Variants in LARGE1 observed in about 807,000 individuals in gnomAD.
The protein encoded by LARGE1 is xylosyl- and glucuronyltransferase LARGE1.
In LARGE1, 43 loss-of-function variants were observed where a neutral mutation model predicts 87.6. The ratio of observed to expected loss-of-function variants is 0.49; its 90% CI spans 0.38 to 0.63. The LOEUF is 0.63. Ranked by LOEUF, LARGE1 falls within the 30% of genes least tolerant of loss-of-function variation. The probability of loss-of-function intolerance (pLI) is 0.00; values close to 1 mark genes in which losing one functional copy is unlikely to be tolerated. For missense variants in LARGE1, 802 were observed against 1,000.2 expected (o/e 0.80, Z 2.67); for synonymous variants, 434 against 394.6 (o/e 1.10, Z -1.18).
intron 1 of LARGE1, among the ~76,000 whole-genome samples, chr22:33,852,232 C>A (rs1387295115): frequency 6.6e-6 from 1 of 152,106 alleles, no homozygotes; most frequent in Non-Finnish European, 1.5e-5. Flanking sequence ...CTGATGTGAG[C>A]CAACGTTGAA....
intron 4 of LARGE1, among the ~76,000 whole-genome samples, chr22:33,613,373 C>G (rs767886292): frequency 2.0e-5 from 3 of 152,136 alleles, no homozygotes; most frequent in Non-Finnish European, 4.4e-5. Context: ...CTGTGTAAGC[C>G]GAAATAGTTC....
At chr22:33,721,289 G>A (rs1286259393) in intron 2 of LARGE1, among the ~76,000 whole-genome samples, 2 of 152,196 alleles carry the variant, frequency 1.3e-5, no homozygotes, top group Admixed American at 1.3e-4. Flanking sequence ...TTAAATCAGA[G>A]CAAAACACAC....
At chr22:33,841,152 CT>C (rs2063270933) in intron 1 of LARGE1, among the ~76,000 whole-genome samples, 1 of 152,168 alleles carries the variant, frequency 6.6e-6, no homozygotes, top group Admixed American at 6.5e-5. Context: ...AAATTTTGAA[CT>C]TGATATTTTC....
chr22:33,199,774 T>C (rs1374444428), intron 11 of LARGE1, among the ~76,000 whole-genome samples: 1 of 152,210 alleles, frequency 6.6e-6, no homozygotes, highest in African/African-American at 2.4e-5. Context: ...TGTAGTATAA[T>C]TTGAAGTCAG....
intron 1 of LARGE1, among the ~76,000 whole-genome samples, chr22:33,911,190 C>G (rs1052717784): frequency 4.6e-5 from 7 of 152,160 alleles, no homozygotes; most frequent in Admixed American, 3.3e-4. Context: ...AGCTGAGGAC[C>G]AGGGAGCCTA....
Position 33,273,461 on chromosome 22 carries a change from A to G in LARGE1, c.*966T>C, listed in dbSNP as rs1928538906. ...TCTTCGAAAGGCCTGAGAGGTTCGT[A>G]CCTTGTGTGTGCACTGAAGTAGTTC... On this transcript the variant is annotated 3_prime_UTR_variant, in exon 15 of 15. Transcript: ENST00000397394. 2.5e-6 allele frequency: 1 copy of G among 398,530 alleles called. No homozygotes were observed. 24.7% of individuals were successfully genotyped at this position (398,530 alleles called of 1,614,324 possible). A position where few individuals can be genotyped will look rare whatever the true frequency, so the allele number is the denominator to read the frequency against.
intron 11 of LARGE1, among the ~76,000 whole-genome samples, chr22:33,192,737 CT>C (rs1247033057): frequency 6.6e-6 from 1 of 152,136 alleles, no homozygotes; most frequent in African/African-American, 2.4e-5. Flanking sequence ...TTCAAAAAAT[CT>C]TTCCCCAGAT....
chr22:33,240,213 AG>A, intron 11 of LARGE1, among the ~76,000 whole-genome samples: 1 of 152,248 alleles, frequency 6.6e-6, no homozygotes, highest in African/African-American at 2.4e-5. Context: ...AAGATATAAT[AG>A]TATCCCTTGT....
intron 2 of LARGE1, among the ~76,000 whole-genome samples, chr22:33,658,104 C>T (rs989438101): frequency 3.3e-5 from 5 of 152,060 alleles, no homozygotes; most frequent in Non-Finnish European, 7.4e-5. Flanking sequence ...CAAGTCCAGC[C>T]TAATTTGTGG....
intron 6 of LARGE1, among the ~76,000 whole-genome samples, chr22:33,437,978 C>A (rs1438387288): frequency 6.6e-6 from 1 of 151,824 alleles, no homozygotes; most frequent in African/African-American, 2.4e-5. Context: ...CCTACCACAT[C>A]CCTTCCAGCA....
intron 1 of LARGE1, among the ~76,000 whole-genome samples, chr22:33,901,728 G>A (rs985458695): frequency 2.0e-5 from 3 of 152,114 alleles, no homozygotes; most frequent in Non-Finnish European, 4.4e-5. Flanking sequence ...TAACACAATC[G>A]ATGTTGGCAG....
At chr22:33,491,304 T>G (rs1015541465) in intron 6 of LARGE1, among the ~76,000 whole-genome samples, 1 of 152,280 alleles carries the variant, frequency 6.6e-6, no homozygotes, top group Admixed American at 6.5e-5. Context: ...AAAAATACAA[T>G]GCAAGAATTT....
At chr22:33,746,210 G>T (rs2084078854) in intron 2 of LARGE1, among the ~76,000 whole-genome samples, 1 of 152,138 alleles carries the variant, frequency 6.6e-6, no homozygotes, top group African/African-American at 2.4e-5. Flanking sequence ...CCACTGCACT[G>T]CAGCCTGGGC....
intron 7 of LARGE1, among the ~76,000 whole-genome samples, chr22:33,392,795 A>C (rs1369036383): frequency 1.3e-5 from 2 of 152,236 alleles, no homozygotes; most frequent in Non-Finnish European, 2.9e-5. Context: ...ATGGATAATT[A>C]ATGTCCAAAC....
intron 6 of LARGE1, among the ~76,000 whole-genome samples, chr22:33,443,017 C>T (rs2067539411): frequency 6.6e-6 from 1 of 152,144 alleles, no homozygotes; most frequent in Non-Finnish European, 1.5e-5. Flanking sequence ...TGGTCTCGAT[C>T]TCTTGACCTC....
rs2145832038 is a variant in LARGE1, at chr22:33,277,221, T to C, written c.1912A>G (p.Asn638Asp). The C allele has an allele frequency of 1.2e-6, 2 of 1,614,162 alleles. No individual in the cohort carries two copies. The highest frequency in any genetic ancestry group is 2.2e-5 in the South Asian group (2 of 91,080). The change falls in exon 14 of 15, where the codon AAC (asparagine) becomes GAC (aspartate). Residue 638 changes from asparagine (N) to aspartate (D), a missense_variant. By Grantham distance (23) the Asn-to-Asp change is conservative. Transcript: ENST00000397394. The stretch of plus-strand genomic sequence containing the variant: ...GTGGCGGTCCGCCACTTGGCGAAGT[T>C]TGTGGGTGCGTGGCCTTTCGTCCAG... The part of the protein sequence containing the change: ...HVWTKGHAPT[N>D]FAKWRTATTP...
At chr22:33,920,897 G>A (rs1384304278), upstream of LARGE1, among the ~76,000 whole-genome samples, 2 of 147,198 alleles carry the variant, frequency 1.4e-5, no homozygotes, top group Non-Finnish European at 3.0e-5. Context: ...CCGGCCAGGA[G>A]TGGGCCGCCG....
the LARGE1 span, among the ~76,000 whole-genome samples, chr22:33,089,431 C>CTCT: frequency 0.6 from 83,955 of 139,522 alleles, 26,321 homozygotes; most frequent in African/African-American, 0.79. Flanking sequence ...CTTCCTCTTC[C>CTCT]TCTTCTTCTT....
rs568763502 is a variant in LARGE1, at chr22:33,344,120, C to T, written c.1132-6319G>A. Among the ~76,000 whole-genome samples the T allele has an allele frequency of 9.8e-5, 15 of 152,320 alleles. 1 individual carries two copies. The highest frequency in any genetic ancestry group is 3.4e-4 in the African/African-American group (14 of 41,572). On this transcript the variant is annotated intron_variant, in intron 9 of 14. Transcript: ENST00000397394. ...TAAGGGTGGATTTGCCTTCTCCAGC[C>T]CACTGACTCAAATGTTAATCTCTTT...
Sources: allele counts gnomAD v4.1 joint callset (sites outside exome capture counted in the v4.1 genomes callset), GRCh38; gene constraint gnomAD v4.1.1; transcripts MANE v1.5; gene names NCBI Gene and HGNC (gene_info 2026-07-23, HGNC 2026-07-21).